Variants in RAD51B observed in about 807,000 individuals in gnomAD.
The protein encoded by RAD51B is DNA repair protein RAD51 homolog 2.
Under a neutral mutation model 42.2 loss-of-function variants are expected in RAD51B, and 38 were observed. That is an observed-to-expected ratio of 0.90 (90% confidence interval 0.70 to 1.18). The LOEUF is 1.18. RAD51B is among the 50% of genes most tolerant of loss of function. The pLI, the probability that RAD51B is intolerant of heterozygous loss-of-function variation, is 0.00. For synonymous variants in RAD51B, 154 were observed against 145.2 expected (o/e 1.06, Z -0.43); for missense variants, 373 against 400.7 (o/e 0.93, Z 0.59).
chr14:68,368,638 G>A (rs758174322), intron 8 of RAD51B, among the ~76,000 whole-genome samples: 1 of 152,164 alleles, frequency 6.6e-6, no homozygotes, highest in Admixed American at 6.5e-5. Flanking sequence ...CTATGATGGG[G>A]CAGTGGTGGT....
At chr14:68,083,232 T>C (rs966770343) in intron 7 of RAD51B, among the ~76,000 whole-genome samples, 1 of 152,212 alleles carries the variant, frequency 6.6e-6, no homozygotes, top group African/African-American at 2.4e-5. Context: ...GCAGTTTTAC[T>C]TTTTGATTTT....
At chr14:68,426,015 T>C (rs868713859) in intron 9 of RAD51B, among the ~76,000 whole-genome samples, 1,069 of 74,060 alleles carry the variant, frequency 0.014, 13 homozygotes, top group African/African-American at 0.038. Flanking sequence ...TTCCTTTCTT[T>C]CTTTCTTTCT....
At chr14:67,912,051 C>T (rs982129216) in intron 7 of RAD51B, among the ~76,000 whole-genome samples, 3 of 152,198 alleles carry the variant, frequency 2.0e-5, no homozygotes, top group African/African-American at 7.2e-5. Flanking sequence ...TTTTCTTCTA[C>T]TCTTTATACA....
At chr14:68,041,944 C>A (rs1299492592) in intron 7 of RAD51B, among the ~76,000 whole-genome samples, 1 of 152,148 alleles carries the variant, frequency 6.6e-6, no homozygotes, top group Non-Finnish European at 1.5e-5. Context: ...CCTCAGGAGA[C>A]CCCATGAAAG....
chr14:68,653,918 T>A (rs1187399364), intron 11 of RAD51B, among the ~76,000 whole-genome samples: 1 of 152,252 alleles, frequency 6.6e-6, no homozygotes, highest in Non-Finnish European at 1.5e-5. Flanking sequence ...TGGCAGCTAC[T>A]GGGTAGGAAC....
intron 10 of RAD51B, among the ~76,000 whole-genome samples, chr14:68,601,935 T>C (rs1891235300): frequency 1.3e-5 from 2 of 152,140 alleles, no homozygotes; most frequent in Non-Finnish European, 2.9e-5. Flanking sequence ...TACTGCCCTA[T>C]TTCTCTTCAC....
intron 7 of RAD51B, among the ~76,000 whole-genome samples, chr14:67,912,176 A>G (rs2044005978): frequency 1.3e-5 from 2 of 152,214 alleles, no homozygotes; most frequent in South Asian, 4.1e-4. Context: ...GGATGATTCA[A>G]TTCACAAATT....
At chr14:68,100,579 C>G (rs1284638243) in intron 7 of RAD51B, among the ~76,000 whole-genome samples, 1 of 152,154 alleles carries the variant, frequency 6.6e-6, no homozygotes, top group Non-Finnish European at 1.5e-5. Context: ...CTTGACACCC[C>G]TTATTTACTG....
At chr14:68,532,222 A>G (rs1202996492) in intron 10 of RAD51B, among the ~76,000 whole-genome samples, 1 of 152,206 alleles carries the variant, frequency 6.6e-6, no homozygotes, top group East Asian at 1.9e-4. Flanking sequence ...GCCTAAAAAA[A>G]GCAGAGCAAA....
chr14:68,354,160 T>C (rs1594712732), intron 8 of RAD51B, among the ~76,000 whole-genome samples: 1 of 152,146 alleles, frequency 6.6e-6, no homozygotes, highest in Admixed American at 6.5e-5. Flanking sequence ...AGGTGGTGTG[T>C]ATATTATAAG....
At chr14:67,861,490 G>T (rs1000901377) in intron 4 of RAD51B, among the ~76,000 whole-genome samples, 5 of 150,458 alleles carry the variant, frequency 3.3e-5, no homozygotes, top group African/African-American at 1.2e-4. Flanking sequence ...AAAAAAGCTG[G>T]GCATGTGTGA....
intron 8 of RAD51B, among the ~76,000 whole-genome samples, chr14:68,302,195 TAGAC>T (rs2081755184): frequency 6.6e-6 from 1 of 152,176 alleles, no homozygotes; most frequent in Admixed American, 6.5e-5. Context: ...GGTCATGTGT[TAGAC>T]AGGTGCTTGG....
chr14:68,223,361 T>C (rs2079969194), intron 7 of RAD51B, among the ~76,000 whole-genome samples: 1 of 152,256 alleles, frequency 6.6e-6, no homozygotes, highest in Non-Finnish European at 1.5e-5. Context: ...TTTGTAGCTT[T>C]TAGATTTTCT....
At chr14:68,499,983 G>A (rs1884807230) in intron 10 of RAD51B, among the ~76,000 whole-genome samples, 2 of 152,220 alleles carry the variant, frequency 1.3e-5, no homozygotes, top group African/African-American at 4.8e-5. Context: ...AATGACTGGA[G>A]AGAGAGAGAA....
intron 8 of RAD51B, among the ~76,000 whole-genome samples, chr14:68,304,993 C>A (rs1486488671): frequency 6.6e-6 from 1 of 152,128 alleles, no homozygotes; most frequent in Non-Finnish European, 1.5e-5. Context: ...TAGCATATTG[C>A]CCCAAAGTAT....
At position 68,311,659 on chromosome 14, in the gene RAD51B, C is replaced by A. The variant is rs145760094; in HGVS notation, c.853+19679C>A. Among the ~76,000 whole-genome samples, 1,026 of 152,222 alleles carry A rather than the reference C, an allele frequency of 6.7e-3. 10 individuals carry two copies. Among genetic ancestry groups the A allele is most frequent in the African/African-American group, 0.023 (974 of 41,526 alleles). On this transcript the variant is annotated intron_variant, in intron 8 of 10. Transcript: ENST00000471583. The stretch of plus-strand genomic sequence containing the variant: ...ATCCCAGCACTTTGGGAGGCCGAGG[C>A]GGGTGGATCACTAGGTCAGAAGTTC...
At chr14:68,530,264 C>T (rs1189692508) in intron 10 of RAD51B, among the ~76,000 whole-genome samples, 3 of 151,090 alleles carry the variant, frequency 2.0e-5, no homozygotes, top group Non-Finnish European at 4.4e-5. Flanking sequence ...GGCAATGTGG[C>T]GAGACCCCAT....
chr14:67,840,852 G>A (rs905231809), intron 4 of RAD51B, among the ~76,000 whole-genome samples: 8 of 151,426 alleles, frequency 5.3e-5, no homozygotes, highest in Middle Eastern at 3.4e-3. Context: ...TGCCCAGCCC[G>A]GAGGGCAGTG....
chr14:68,024,023 A>G (rs1395767105), intron 7 of RAD51B, among the ~76,000 whole-genome samples: 2 of 152,140 alleles, frequency 1.3e-5, no homozygotes, highest in Non-Finnish European at 2.9e-5. Context: ...TAATTTTTGT[A>G]TATGGGGAAA....
Sources: gnomAD v4.1 joint callset for allele counts (sites outside exome capture counted in the v4.1 genomes callset) on GRCh38, gnomAD v4.1.1 for gene constraint, MANE v1.5 for transcripts, NCBI Gene and HGNC (gene_info 2026-07-23, HGNC 2026-07-21) for gene names.